The following MAST4 variants were observed in gnomAD, a reference collection of about 807,000 sequenced individuals.
MAST4 encodes the protein microtubule-associated serine/threonine-protein kinase 4.
Under a neutral mutation model 162.7 loss-of-function variants are expected in MAST4, and 89 were observed. The observed-to-expected ratio is 0.55, with a 90% confidence interval of 0.46 to 0.65. The LOEUF is 0.65. MAST4 is among the 30% of genes least tolerant of loss of function. The pLI, the probability that MAST4 is intolerant of heterozygous loss-of-function variation, is 0.00. For missense variants in MAST4, 3,153 were observed against 3,374.0 expected (o/e 0.93, Z 1.62); for synonymous variants, 1,479 against 1,361.1 (o/e 1.09, Z -1.91).
At chr5:67,133,946 A>C (rs930950271) in intron 17 of MAST4, among the ~76,000 whole-genome samples, 4 of 152,188 alleles carry the variant, frequency 2.6e-5, no homozygotes, top group Non-Finnish European at 5.9e-5. Context: ...TAAGGAATTC[A>C]GGAGTCTCAG....
In MAST4 at chr5:66,639,278, T is replaced by TTGTGTGTGTGTGTGTGTGTG. The variant is rs70987132; in HGVS notation, c.363+42276_363+42295dup. 8.2e-3 allele frequency among the ~76,000 whole-genome samples: 1,136 copies of TTGTGTGTGTGTGTGTGTGTG among 138,662 alleles called. 14 individuals are homozygous for TTGTGTGTGTGTGTGTGTGTG. Among genetic ancestry groups the TTGTGTGTGTGTGTGTGTGTG allele is most frequent in the South Asian group, 0.015 (57 of 3,888 alleles). The allele number at this position is 138,662 out of a possible 152,430, so 91.0% of individuals were successfully genotyped here. On this transcript the variant is annotated intron_variant, in intron 1 of 28. Transcript: ENST00000403625. Reference sequence around the variant, plus strand: ...GTGTTGATTAGTACTGAGAGGCAGCTTGTGTGTGTGTGTGTGTGTGTGTGT... The same window carrying TTGTGTGTGTGTGTGTGTGTG: ...GTGTTGATTAGTACTGAGAGGCAGCTTGTGTGTGTGTGTGTGTGTGTGTGTGTGTGTGTGTGTGTGTGTGT...
chr5:66,989,314 C>T (rs937874285), intron 4 of MAST4, among the ~76,000 whole-genome samples: 4 of 152,166 alleles, frequency 2.6e-5, no homozygotes, highest in African/African-American at 9.7e-5. Context: ...CTTACTTTCC[C>T]TTCAGGAAGT....
At chr5:67,084,683 G>T (rs1180706637) in intron 5 of MAST4, among the ~76,000 whole-genome samples, 1 of 152,018 alleles carries the variant, frequency 6.6e-6, no homozygotes, top group African/African-American at 2.4e-5. Context: ...TCTGCCTATT[G>T]TTATACTCCA....
chr5:66,657,087 A>G (rs556594234), intron 1 of MAST4, among the ~76,000 whole-genome samples: 2 of 152,224 alleles, frequency 1.3e-5, no homozygotes, highest in African/African-American at 4.8e-5. Context: ...AAGGTAGAAA[A>G]CTTAAAAATG....
chr5:66,812,609 G>A (rs951216655), intron 3 of MAST4, among the ~76,000 whole-genome samples: 2 of 152,192 alleles, frequency 1.3e-5, no homozygotes, highest in Admixed American at 1.3e-4. Context: ...TGCTTGCATC[G>A]TGTGAAGTGG....
At chr5:66,704,243 C>T (rs936943474) in intron 1 of MAST4, among the ~76,000 whole-genome samples, 3 of 152,156 alleles carry the variant, frequency 2.0e-5, no homozygotes, top group African/African-American at 4.8e-5. Context: ...AGAAAAATAG[C>T]TGTAGTGTAT....
At chr5:66,820,044 T>A (rs1166850818) in intron 3 of MAST4, among the ~76,000 whole-genome samples, 1 of 151,358 alleles carries the variant, frequency 6.6e-6, no homozygotes, top group Non-Finnish European at 1.5e-5. Context: ...TGTCTCGAAC[T>A]CCTGGGCTAA....
intron 3 of MAST4, among the ~76,000 whole-genome samples, chr5:66,850,657 C>T (rs529551464): frequency 6.6e-6 from 1 of 152,260 alleles, no homozygotes; most frequent in South Asian, 2.1e-4. Flanking sequence ...GTAAGAAGCA[C>T]AGATGAATCT....
intron 3 of MAST4, among the ~76,000 whole-genome samples, chr5:66,888,774 A>T (rs1347694026): frequency 6.6e-6 from 1 of 152,206 alleles, no homozygotes; most frequent in Non-Finnish European, 1.5e-5. Flanking sequence ...TTGGCTGTGG[A>T]TTGGACAGTG....
intron 1 of MAST4, among the ~76,000 whole-genome samples, chr5:66,634,873 C>A (rs565609444): frequency 6.6e-6 from 1 of 152,206 alleles, no homozygotes; most frequent in African/African-American, 2.4e-5. Context: ...CCAGTGTGAG[C>A]CCTCTGCTTC....
At chr5:67,154,585 T>C (rs921508489) in intron 26 of MAST4, among the ~76,000 whole-genome samples, 1 of 152,224 alleles carries the variant, frequency 6.6e-6, no homozygotes, top group Non-Finnish European at 1.5e-5. Flanking sequence ...CCCATTTCTA[T>C]TGTCTTGCCC....
chr5:66,809,601 A>C (rs1756377873), intron 3 of MAST4, among the ~76,000 whole-genome samples: 1 of 152,216 alleles, frequency 6.6e-6, no homozygotes, highest in Non-Finnish European at 1.5e-5. Context: ...ATATGTATAC[A>C]ATATTAGAAA....
intron 4 of MAST4, among the ~76,000 whole-genome samples, chr5:66,976,155 T>A (rs1261002160): frequency 6.6e-6 from 1 of 152,234 alleles, no homozygotes; most frequent in Admixed American, 6.5e-5. Context: ...GCCATGTGCA[T>A]GTACCATGTA....
chr5:67,004,356 G>T (rs1346611962), intron 4 of MAST4, among the ~76,000 whole-genome samples: 4 of 152,220 alleles, frequency 2.6e-5, no homozygotes, highest in Non-Finnish European at 5.9e-5. Context: ...ACCCTGGAAG[G>T]GTCCACAAAG....
intron 7 of MAST4, among the ~76,000 whole-genome samples, chr5:67,099,891 G>C (rs1764842279): frequency 1.3e-5 from 2 of 151,940 alleles, no homozygotes; most frequent in Admixed American, 1.3e-4. Flanking sequence ...TTCAATTCCA[G>C]ATTTTAAGAC....
At chr5:66,632,547 T>C (rs1744854450) in intron 1 of MAST4, among the ~76,000 whole-genome samples, 1 of 152,164 alleles carries the variant, frequency 6.6e-6, no homozygotes, top group Non-Finnish European at 1.5e-5. Context: ...TTGTGTACAG[T>C]GCACCCCTCT....
chr5:66,719,374 A>G (rs1267567824), intron 1 of MAST4, among the ~76,000 whole-genome samples: 1 of 152,162 alleles, frequency 6.6e-6, no homozygotes, highest in Non-Finnish European at 1.5e-5. Flanking sequence ...GAGGAATAAG[A>G]GTTTTAAAAG....
At chr5:66,994,367 G>A (rs2150291731) in intron 4 of MAST4, among the ~76,000 whole-genome samples, 1 of 152,126 alleles carries the variant, frequency 6.6e-6, no homozygotes, top group South Asian at 2.1e-4. Flanking sequence ...CTGTTTACAT[G>A]TCCTCTGGCC....
At chr5:67,078,210 A>G (rs1313390189) in intron 5 of MAST4, among the ~76,000 whole-genome samples, 1 of 152,168 alleles carries the variant, frequency 6.6e-6, no homozygotes, top group Non-Finnish European at 1.5e-5. Context: ...CCATAAAGGA[A>G]AGTGGTTGAC....
Sources: allele counts gnomAD v4.1 joint callset (sites outside exome capture counted in the v4.1 genomes callset), GRCh38; gene constraint gnomAD v4.1.1; transcripts MANE v1.5; gene names NCBI Gene and HGNC (gene_info 2026-07-23, HGNC 2026-07-21).